WDR62: variants seen among roughly 807,000 people sequenced by gnomAD.
WDR62 encodes WD repeat domain 62.
A neutral mutation model predicts 160.6 loss-of-function variants in WDR62; 112 were observed. The observed-to-expected ratio is 0.70, with a 90% CI of 0.60 to 0.82. The LOEUF (loss-of-function observed/expected upper bound fraction) is 0.82, where lower values mean the gene tolerates loss of function less well. WDR62 is among the 40% of genes least tolerant of loss of function. The probability of loss-of-function intolerance (pLI) is 0.00; values close to 1 mark genes in which losing one functional copy is unlikely to be tolerated. For synonymous variants in WDR62, 792 were observed against 815.1 expected, an observed-to-expected ratio of 0.97 and a Z score of 0.48; for missense variants, 1,819 against 1,983.8, an observed-to-expected ratio of 0.92 and a Z score of 1.58.
At chr19:36,065,873 G>A in intron 3 of WDR62, 85 bp from the exon 4 acceptor site, 2 of 1,339,190 alleles carry the variant, frequency 1.5e-6, no homozygotes, top group Non-Finnish European at 2.2e-6. Flanking sequence ...GCAGAAGAGG[G>A]CAGAGTCCTA....
At chr19:36,089,436 T>TG (rs770829139) in intron 15 of WDR62, 130 bp downstream of exon 15, 5 of 1,503,390 alleles carry the variant, frequency 3.3e-6, no homozygotes, top group Non-Finnish European at 4.6e-6. Context: ...TGTTCCTTCT[T>TG]GGTTTTTTTT....
chr19:36,089,159 T>C, intron 14 of WDR62, 26 bp from the exon 15 acceptor site: 1 of 1,613,306 alleles, frequency 6.2e-7, no homozygotes, highest in Non-Finnish European at 8.5e-7. Context: ...CGGGGCATTC[T>C]CTGAAGGTCC....
intron 8 of WDR62, 53 bp from the exon 9 acceptor site, chr19:36,073,289 T>G: frequency 1.3e-6 from 2 of 1,568,416 alleles, no homozygotes; most frequent in Non-Finnish European, 1.8e-6. Context: ...TAGAGGTGGC[T>G]GTCACTACTC....
intron 9 of WDR62, chr19:36,074,196 G>A (rs200055693): frequency 1.2e-5 from 2 of 171,840 alleles, no homozygotes; most frequent in East Asian, 1.5e-4. Context: ...TACTCAAGAG[G>A]TGGAGGCAGG....
chr19:36,101,914 C>T, intron 25 of WDR62, 100 bp from the exon 26 acceptor site: 1 of 1,581,116 alleles, frequency 6.3e-7, no homozygotes, highest in East Asian at 2.2e-5. Context: ...CTGCGGGCAA[C>T]AGGGCAGGGA....
chr19:36,083,007 A>G (rs1971990377), intron 10 of WDR62, 56 bp from the exon 11 acceptor site: 1 of 1,537,836 alleles, frequency 6.5e-7, no homozygotes, highest in Non-Finnish European at 8.9e-7. Context: ...GAGGGACACG[A>G]TTTCAGAGGT....
At chr19:36,089,422 C>A in intron 15 of WDR62, 116 bp downstream of exon 15, 1 of 1,536,536 alleles carries the variant, frequency 6.5e-7, no homozygotes. Context: ...AGGGACCCAG[C>A]AGGTGTTCCT....
intron 9 of WDR62, among the ~76,000 whole-genome samples, chr19:36,074,545 G>A (rs191809613): frequency 1.9e-4 from 29 of 152,176 alleles, no homozygotes; most frequent in Admixed American, 1.8e-3. Context: ...GCAGCTACTC[G>A]GCAGGGGCTG....
In WDR62 at chr19:36,104,982, C is replaced by T. The variant is rs139784077; in HGVS notation, c.4526C>T (p.Ser1509Leu). The T allele has an allele frequency of 6.5e-5, 105 of 1,604,096 alleles. No homozygotes were observed. The highest frequency in any genetic ancestry group is 3.7e-5 in the Non-Finnish European group (44 of 1,177,724). The change falls in exon 32 of 32, where the codon TCG becomes TTG. Residue 1509 changes from serine to leucine, a missense_variant. This residue lies in a region of WDR62 where 770 missense variants were observed against 734.2 expected (regional missense o/e 1.05). Transcript: ENST00000401500. ...CTGCAGGCCCTGCTGGAACACTACT[C>T]GGAGCTGCTGGTGCAGGCCGTGCGG... ...PDLQALLEHY[S>L]ELLVQAVRRK...
At chr19:36,070,019 G>A (rs62109754) in intron 7 of WDR62, among the ~76,000 whole-genome samples, 24 of 121,488 alleles carry the variant, frequency 2.0e-4, no homozygotes, top group African/African-American at 8.1e-4. Flanking sequence ...CGTGGGGAGA[G>A]GGAGAGGGAG....
chr19:36,094,008 A>C (rs1568359942), intron 19 of WDR62, 23 bp from the exon 20 acceptor site: 1 of 1,613,270 alleles, frequency 6.2e-7, no homozygotes, highest in South Asian at 1.1e-5. Context: ...TTCTCTCCTT[A>C]CCATCCTCAT....
At chr19:36,080,785 T>C (rs1312974878) in intron 9 of WDR62, among the ~76,000 whole-genome samples, 3 of 152,170 alleles carry the variant, frequency 2.0e-5, no homozygotes, top group African/African-American at 7.2e-5. Flanking sequence ...TTCTAGAAGC[T>C]GTTCTGTTTT....
chr19:36,101,154 C>A (rs1307407989), intron 23 of WDR62, 60 bp from the exon 24 acceptor site: 4 of 1,471,490 alleles, frequency 2.7e-6, no homozygotes, highest in Non-Finnish European at 3.7e-6. Context: ...CCGGGTGGGG[C>A]TAGCTGTTGA....
intron 7 of WDR62, chr19:36,070,319 CAG>C (rs1971230256): frequency 6.6e-6 from 1 of 151,966 alleles, no homozygotes; most frequent in Non-Finnish European, 1.5e-5. Context: ...CCACCACGCA[CAG>C]CTAATTTTTG....
intron 9 of WDR62, among the ~76,000 whole-genome samples, chr19:36,080,283 ATT>A (rs760362258): frequency 1.6e-5 from 2 of 124,240 alleles, no homozygotes. Flanking sequence ...AATTTTTTGT[ATT>A]TTTTTTTTTT....
intron 9 of WDR62, among the ~76,000 whole-genome samples, chr19:36,080,283 A>AT (rs760362258): frequency 0.018 from 2,232 of 124,292 alleles, 23 homozygotes; most frequent in Non-Finnish European, 0.027. Context: ...AATTTTTTGT[A>AT]TTTTTTTTTT....
chr19:36,066,146 G>A, intron 4 of WDR62, 111 bp from the exon 5 acceptor site: 1 of 1,580,234 alleles, frequency 6.3e-7, no homozygotes, highest in Admixed American at 1.7e-5. Flanking sequence ...GTAGCAGATG[G>A]GGGAGGTGGC....
At chr19:36,109,459 C>A (rs182752602), downstream of WDR62, among the ~76,000 whole-genome samples, 26 of 152,266 alleles carry the variant, frequency 1.7e-4, 1 homozygote, top group South Asian at 3.5e-3. Context: ...AGTTGCCAGG[C>A]GCAATGGCTC....
Position 36,063,244 on chromosome 19 carries a change from C to CT in WDR62, c.333-2706dup, listed in dbSNP as rs552931514. Among the ~76,000 whole-genome samples, 645 of 139,720 alleles carry CT rather than the reference C, an allele frequency of 4.6e-3. 5 individuals are homozygous for CT. The highest frequency in any genetic ancestry group is 0.017 in the African/African-American group (623 of 37,598). The allele number at this position is 139,720 out of a possible 152,430, so 91.7% of individuals were successfully genotyped here. ...AGGCGTGAGCCACAGCACCTGGCCACTTTTTTTTGTTTTTTTGTTTTTTGA... is the reference window on the plus strand; with the variant it reads ...AGGCGTGAGCCACAGCACCTGGCCACTTTTTTTTTGTTTTTTTGTTTTTTGA... On this transcript the variant is annotated intron_variant, in intron 3 of 31. Transcript: ENST00000401500.
Sources: gnomAD v4.1 joint callset for allele counts (sites outside exome capture counted in the v4.1 genomes callset) on GRCh38, gnomAD v4.1.1 for gene constraint, gnomAD v4.1.1 regional missense constraint, MANE v1.5 for transcripts, NCBI Gene and HGNC (gene_info 2026-07-23, HGNC 2026-07-21) for gene names.